Variants in KAT7 observed in about 807,000 individuals in gnomAD.
The protein encoded by KAT7 is lysine acetyltransferase 7, also known as histone acetyltransferase KAT7.
KAT7 carries 10 observed loss-of-function variants against 82.1 expected under a neutral mutation model. The observed-to-expected ratio is 0.12, with a 90% CI of 0.08 to 0.21. The LOEUF (loss-of-function observed/expected upper bound fraction) is 0.21, where lower values mean the gene tolerates loss of function less well. Ranked by LOEUF, KAT7 falls within the 10% of genes least tolerant of loss-of-function variation. The pLI is 1.00. For synonymous variants in KAT7, 250 were observed against 262.5 expected (o/e 0.95, Z 0.46); for missense variants, 378 against 760.9 (o/e 0.50, Z 5.92).
At chr17:49,798,757 A>G (rs1365500727) in intron 4 of KAT7, among the ~76,000 whole-genome samples, 199 bp downstream of exon 4, 1 of 151,182 alleles carries the variant, frequency 6.6e-6, no homozygotes, top group African/African-American at 2.5e-5. Flanking sequence ...TCTGGTTGTA[A>G]GGAAATTAAC....
At chr17:49,818,112 G>A in intron 9 of KAT7, 101 bp downstream of exon 9, 1 of 868,706 alleles carries the variant, frequency 1.2e-6, no homozygotes, top group South Asian at 1.6e-5. Context: ...CACCTTCTCA[G>A]TGGTCCTCAG....
At chr17:49,816,812 C>T (rs1166150398) in intron 8 of KAT7, among the ~76,000 whole-genome samples, 5 of 151,892 alleles carry the variant, frequency 3.3e-5, no homozygotes, top group Admixed American at 6.6e-5. Flanking sequence ...GATGGATATC[C>T]GAATTTTTTT....
At position 49,801,287 on chromosome 17, in the gene KAT7, G is replaced by A. The variant is rs575662282; in HGVS notation, c.580+2729G>A. On this transcript the variant is annotated intron_variant, in intron 4 of 14. Coordinates refer to ENST00000259021, the MANE Select transcript of KAT7 (RefSeq NM_007067.5). ...CAACTTCCGCCTCCCGGGCTCAAGT[G>A]ATTCTCATGCGTCAGCTGCCTGAGT... Among the ~76,000 whole-genome samples the A allele has an allele frequency of 3.8e-4, 58 of 152,266 alleles. 1 individual carries two copies. The East Asian group carries it at 0.011, about 28-fold the overall frequency.
Position 49,826,682 on chromosome 17 carries a change from T to C in KAT7, c.1628-11T>C. On this transcript the variant is annotated splice_polypyrimidine_tract_variant and intron_variant, in intron 13 of 14. Transcript: ENST00000259021. Reference sequence around the variant, plus strand: ...ACTTTGGCCAGGTTGTCAGTACTTCTTCTGTTTCAGAAATCAGTCAGGAGA... The same window carrying C: ...ACTTTGGCCAGGTTGTCAGTACTTCCTCTGTTTCAGAAATCAGTCAGGAGA... The C allele has an allele frequency of 1.2e-6, 2 of 1,602,026 alleles. No individual in the cohort carries two copies. Among genetic ancestry groups the C allele is most frequent in the Admixed American group, 1.7e-5 (1 of 59,964 alleles).
At position 49,817,440 on chromosome 17, in the gene KAT7, G is replaced by C. The variant is rs973148348; in HGVS notation, c.964-380G>C. Among the ~76,000 whole-genome samples the C allele has an allele frequency of 2.6e-5, 4 of 152,150 alleles. No homozygotes were observed. The East Asian group carries it at 7.7e-4, about 29-fold the overall frequency. On this transcript the variant is annotated intron_variant, in intron 8 of 14. Transcript: ENST00000259021. ...TGTCTGATTTTTTTCATAGCCTAGC[G>C]TGGTGGCATGCACACACACTTTTAA...
chr17:49,811,236 A>G (rs2074160917), intron 6 of KAT7, among the ~76,000 whole-genome samples: 1 of 151,668 alleles, frequency 6.6e-6, no homozygotes, highest in African/African-American at 2.4e-5. Context: ...CCTCCCGAGT[A>G]GCTGGGATTA....
rs1017021606 is a variant in KAT7 at position 49,830,242 on chromosome 17, G to A, written c.*2740G>A. On this transcript the variant is annotated 3_prime_UTR_variant, in exon 15 of 15. Coordinates refer to ENST00000259021, the MANE Select transcript of KAT7 (RefSeq NM_007067.5). ...ACAGTCTCACTCTATCATCCAGTCC[G>A]GAATGCAGTGGCATGATCTCAGCTC... The A allele has an allele frequency of 2.9e-5, 4 of 135,654 alleles. No individual in the cohort carries two copies. Among genetic ancestry groups the A allele is most frequent in the African/African-American group, 8.7e-5 (3 of 34,534 alleles). The allele number at this position is 135,654 out of a possible 1,614,324, so 8.4% of individuals were successfully genotyped here.
At chr17:49,791,794 T>C (rs1022241299) in intron 1 of KAT7, 92 bp from the exon 2 acceptor site, 45 of 1,310,284 alleles carry the variant, frequency 3.4e-5, no homozygotes, top group Admixed American at 7.1e-5. Context: ...AACTTGGGGT[T>C]TTCAGTGTCA....
chr17:49,798,961 A>T (rs910475759), intron 4 of KAT7, among the ~76,000 whole-genome samples: 1 of 152,230 alleles, frequency 6.6e-6, no homozygotes, highest in African/African-American at 2.4e-5. Context: ...AAATGAGAAA[A>T]ACATTTCCTG....
intron 5 of KAT7, 65 bp from the exon 6 acceptor site, chr17:49,809,054 C>A (rs1006272025): frequency 8.0e-7 from 1 of 1,252,108 alleles, no homozygotes; most frequent in African/African-American, 1.5e-5. Flanking sequence ...TCATTGTATT[C>A]TTATGCTTTA....
chr17:49,831,112 G>C lies in KAT7; in HGVS notation c.*3610G>C, dbSNP rs983687624. 1.3e-5 allele frequency: 2 copies of C among 152,102 alleles called. No individual in the cohort carries two copies. The highest frequency in any genetic ancestry group is 2.9e-5 in the Non-Finnish European group (2 of 68,038). 9.4% of individuals were successfully genotyped at this position (152,102 alleles called of 1,614,324 possible). A position where few individuals can be genotyped will look rare whatever the true frequency, so the allele number is the denominator to read the frequency against. On this transcript the variant is annotated 3_prime_UTR_variant, in exon 15 of 15. Coordinates refer to ENST00000259021, the MANE Select transcript of KAT7 (RefSeq NM_007067.5). ...GCCTGGGCAGCATGGTGAAACCCCA[G>C]CTCTACAAAAAATAGAAAAATCAGA...
Position 49,833,081 on chromosome 17 carries a change from C to T in KAT7, c.*5579C>T, listed in dbSNP as rs1486374943. 6.6e-6 allele frequency: 1 copy of T among 152,170 alleles called. No homozygotes were observed. The highest frequency in any genetic ancestry group is 1.9e-4 in the East Asian group (1 of 5,198). 9.4% of individuals were successfully genotyped at this position (152,170 alleles called of 1,614,324 possible). A position where few individuals can be genotyped will look rare whatever the true frequency, so the allele number is the denominator to read the frequency against. ...CAGCGATGAGAAATGTCCCTGGTGC[C>T]AAAACATCAGTTTGCCCCTAACCTC... On this transcript the variant is annotated 3_prime_UTR_variant, in exon 15 of 15. Coordinates refer to ENST00000259021, the MANE Select transcript of KAT7 (RefSeq NM_007067.5).
At chr17:49,807,407 A>T (rs369452314) in intron 5 of KAT7, among the ~76,000 whole-genome samples, 5 of 152,216 alleles carry the variant, frequency 3.3e-5, no homozygotes, top group African/African-American at 1.2e-4. Flanking sequence ...AGATATCTTA[A>T]GTAGAAGCAA....
chr17:49,830,179 ATTTTTTTTTTT>A lies in KAT7; in HGVS notation c.*2696_*2706del, dbSNP rs1163899442. ...AGGCGTGAGCCACTGCACCCGACCT[ATTTTTTTTTTT>A]TTTTTTTTTTTTTTTTTTAAAAAAA... On this transcript the variant is annotated 3_prime_UTR_variant, in exon 15 of 15. Coordinates refer to ENST00000259021, the MANE Select transcript of KAT7 (RefSeq NM_007067.5). The A allele has an allele frequency of 1.2e-3, 95 of 82,208 alleles. 1 individual carries two copies. The highest frequency in any genetic ancestry group is 1.5e-3 in the African/African-American group (32 of 21,002). 5.1% of individuals were successfully genotyped at this position (82,208 alleles called of 1,614,324 possible).
intron 6 of KAT7, among the ~76,000 whole-genome samples, chr17:49,809,655 T>G (rs1389123453): frequency 6.6e-6 from 1 of 152,236 alleles, no homozygotes; most frequent in African/African-American, 2.4e-5. Context: ...GCATCCTGGC[T>G]TGGTCCTAAA....
intron 5 of KAT7, among the ~76,000 whole-genome samples, chr17:49,807,872 G>C (rs2074110452): frequency 6.6e-6 from 1 of 152,158 alleles, no homozygotes; most frequent in Non-Finnish European, 1.5e-5. Context: ...TTGTTGACTG[G>C]ATCAGCTATT....
At chr17:49,791,496 A>G (rs2073888678) in intron 1 of KAT7, among the ~76,000 whole-genome samples, 1 of 152,160 alleles carries the variant, frequency 6.6e-6, no homozygotes, top group African/African-American at 2.4e-5. Flanking sequence ...CGTCTCTACT[A>G]AAAATACAAA....
In KAT7 at chr17:49,833,713, C is replaced by T. The variant is rs892262018; in HGVS notation, c.*6211C>T. The stretch of plus-strand genomic sequence containing the variant: ...TGAAGGTTTCAACCCCGCCAGACTC[C>T]CAGCTGAACGCACCCTCATGAGTGG... On this transcript the variant is annotated 3_prime_UTR_variant, in exon 15 of 15. Coordinates refer to ENST00000259021, the MANE Select transcript of KAT7 (RefSeq NM_007067.5). 1 of 152,240 alleles carries T rather than the reference C, an allele frequency of 6.6e-6. No homozygotes were observed. The highest frequency in any genetic ancestry group is 1.5e-5 in the Non-Finnish European group (1 of 68,072). The allele number at this position is 152,240 out of a possible 1,614,324, so 9.4% of individuals were successfully genotyped here. A position where few individuals can be genotyped will look rare whatever the true frequency, so the allele number is the denominator to read the frequency against.
At chr17:49,800,080 C>T (rs375982044) in intron 4 of KAT7, among the ~76,000 whole-genome samples, 22 of 139,880 alleles carry the variant, frequency 1.6e-4, no homozygotes, top group African/African-American at 5.8e-4. Flanking sequence ...GGCGCGATCT[C>T]GGCTCACTGC....
Sources: allele counts gnomAD v4.1 joint callset (sites outside exome capture counted in the v4.1 genomes callset), GRCh38; gene constraint gnomAD v4.1.1; transcripts MANE v1.5; gene names NCBI Gene and HGNC (gene_info 2026-07-23, HGNC 2026-07-21).